Variants in WHRN observed in about 807,000 individuals in gnomAD.
The protein encoded by WHRN is whirlin, also known as CASK-interacting protein CIP98.
A neutral mutation model predicts 68.3 loss-of-function variants in WHRN; 41 were observed. The ratio of observed to expected loss-of-function variants is 0.60; its 90% CI spans 0.47 to 0.78. The LOEUF (loss-of-function observed/expected upper bound fraction) is 0.78, where lower values mean the gene tolerates loss of function less well. Among genes scored for constraint, WHRN ranks in the 30% least tolerant of loss-of-function variants. The pLI is 0.00. For synonymous variants in WHRN, 560 were observed against 561.3 expected, an observed-to-expected ratio of 1.00 and a Z score of 0.03; for missense variants, 1,243 against 1,244.7, an observed-to-expected ratio of 1.00 and a Z score of 0.02.
Position 114,417,600 on chromosome 9 carries a change from T to C in WHRN, c.1626+5714A>G, listed in dbSNP as rs185185879. 1.2e-3 allele frequency among the ~76,000 whole-genome samples: 188 copies of C among 152,040 alleles called. 1 individual carries two copies. The highest frequency in any genetic ancestry group is 2.3e-3 in the Non-Finnish European group (158 of 67,960). Reference sequence around the variant, plus strand: ...AGTGATTTAGCAGAGGTATGAGGAGTGTGTGAGCTCCATGCAGGAAGGGAT... The same window carrying C: ...AGTGATTTAGCAGAGGTATGAGGAGCGTGTGAGCTCCATGCAGGAAGGGAT... On this transcript the variant is annotated intron_variant, in intron 7 of 11. Coordinates refer to ENST00000362057, the MANE Select transcript of WHRN (RefSeq NM_015404.4).
intron 3 of WHRN, among the ~76,000 whole-genome samples, chr9:114,436,820 C>T (rs1837898189): frequency 6.6e-6 from 1 of 151,800 alleles, no homozygotes; most frequent in South Asian, 2.1e-4. Context: ...CAGAGCAAGA[C>T]TCCATCTCAA....
chr9:114,405,690 C>T (rs1834976008), intron 9 of WHRN, among the ~76,000 whole-genome samples: 1 of 152,246 alleles, frequency 6.6e-6, no homozygotes, highest in Non-Finnish European at 1.5e-5. Flanking sequence ...CATTTTGCAT[C>T]TTGGTCTGTG....
intron 3 of WHRN, among the ~76,000 whole-genome samples, chr9:114,463,876 G>C (rs544095790): frequency 6.6e-6 from 1 of 152,120 alleles, no homozygotes; most frequent in East Asian, 1.9e-4. Context: ...GCCTGGTTAT[G>C]GGCACAGTTC....
chr9:114,404,991 G>A (rs1417207045), intron 9 of WHRN, among the ~76,000 whole-genome samples: 8 of 151,802 alleles, frequency 5.3e-5, no homozygotes, highest in African/African-American at 1.9e-4. Context: ...CAGGGGCCAT[G>A]CAGAGGTTCA....
At chr9:114,417,728 C>A (rs3748174) in intron 7 of WHRN, among the ~76,000 whole-genome samples, 2 of 152,020 alleles carry the variant, frequency 1.3e-5, no homozygotes, top group African/African-American at 4.8e-5. Flanking sequence ...GACCACACAG[C>A]GGCACTTAGT....
chr9:114,403,186 G>A (rs920287911), intron 11 of WHRN, 31 bp downstream of exon 11: 2 of 1,613,740 alleles, frequency 1.2e-6, no homozygotes, highest in Non-Finnish European at 1.7e-6. Flanking sequence ...GGGGTAGGGA[G>A]AGATGGCAAG....
At chr9:114,498,715 C>T (rs892218348) in intron 1 of WHRN, among the ~76,000 whole-genome samples, 1 of 152,192 alleles carries the variant, frequency 6.6e-6, no homozygotes, top group African/African-American at 2.4e-5. Context: ...AGCGGACTGG[C>T]TGGCATTGTC....
intron 2 of WHRN, among the ~76,000 whole-genome samples, chr9:114,470,169 T>C (rs1488163814): frequency 2.0e-5 from 3 of 152,182 alleles, no homozygotes; most frequent in East Asian, 3.8e-4. Context: ...GATACACTTA[T>C]AATCCTTTTT....
chr9:114,409,998 C>T (rs182838581), intron 7 of WHRN, among the ~76,000 whole-genome samples: 8 of 152,174 alleles, frequency 5.3e-5, no homozygotes, highest in South Asian at 4.1e-4. Context: ...CCTACATGAC[C>T]GGGCCCTTTC....
At chr9:114,444,126 C>T (rs117994701) in intron 3 of WHRN, among the ~76,000 whole-genome samples, 2 of 152,256 alleles carry the variant, frequency 1.3e-5, no homozygotes, top group Non-Finnish European at 2.9e-5. Context: ...GGGACACAGC[C>T]AATCCATATT....
chr9:114,474,896 A>T (rs1434374083), intron 2 of WHRN, among the ~76,000 whole-genome samples: 1 of 152,142 alleles, frequency 6.6e-6, no homozygotes, highest in Non-Finnish European at 1.5e-5. Context: ...CACTGTCATC[A>T]TGTTGCTAAG....
intron 3 of WHRN, among the ~76,000 whole-genome samples, chr9:114,462,291 T>C (rs541735163): frequency 2.1e-3 from 324 of 152,292 alleles, no homozygotes; most frequent in African/African-American, 7.2e-3. Flanking sequence ...TCCCCCATTT[T>C]CCTTCGCCCC....
chr9:114,465,854 A>G (rs1294527219), intron 3 of WHRN, among the ~76,000 whole-genome samples: 1 of 152,200 alleles, frequency 6.6e-6, no homozygotes, highest in East Asian at 1.9e-4. Context: ...CTGGGCACAC[A>G]GTTAGCCCTC....
At chr9:114,419,002 T>C (rs528327983) in intron 7 of WHRN, among the ~76,000 whole-genome samples, 52 of 152,244 alleles carry the variant, frequency 3.4e-4, no homozygotes, top group African/African-American at 1.0e-3. Context: ...TGCTCAATAT[T>C]TGTTAACAGA....
intron 2 of WHRN, among the ~76,000 whole-genome samples, chr9:114,467,198 G>A (rs904075379): frequency 2.0e-5 from 3 of 152,086 alleles, no homozygotes; most frequent in Non-Finnish European, 4.4e-5. Context: ...CTCCCCAGGG[G>A]TCTTCTGCTC....
rs564988768 is a variant in WHRN at position 114,504,867 on chromosome 9, G to A, written c.-66C>T. ...GTGGGCGGTGCCGCTGTCCTCGCGG[G>A]TACTGGCGCGACAGCTGGATCCCCG... On this transcript the variant is annotated 5_prime_UTR_variant, in exon 1 of 12. Transcript: ENST00000362057. The A allele has an allele frequency of 7.5e-6, 10 of 1,337,240 alleles. No homozygotes were observed. In the East Asian group the frequency reaches 2.8e-4, roughly 37 times the overall value. The allele number at this position is 1,337,240 out of a possible 1,614,324, so 82.8% of individuals were successfully genotyped here. A position where few individuals can be genotyped will look rare whatever the true frequency, so the allele number is the denominator to read the frequency against.
chr9:114,405,723 C>T (rs1192223917), intron 9 of WHRN, among the ~76,000 whole-genome samples: 1 of 152,224 alleles, frequency 6.6e-6, no homozygotes, highest in Non-Finnish European at 1.5e-5. Context: ...GAATGTCCTA[C>T]GGGGCCTATG....
chr9:114,497,534 G>GA (rs1335784116), intron 1 of WHRN, among the ~76,000 whole-genome samples: 33 of 146,186 alleles, frequency 2.3e-4, no homozygotes, highest in East Asian at 4.0e-4. Context: ...AAAAGAAAAG[G>GA]AAAAAAAAAA....
Position 114,408,211 on chromosome 9 carries a change from G to A in WHRN, c.1627-193C>T, listed in dbSNP as rs150030732. ...GGTCAATTTGCCTGCTGGTCACTTT[G>A]AAGTTAAGTTTTCTTTGGGACTTTC... On this transcript the variant is annotated intron_variant, in intron 7 of 11. Coordinates refer to ENST00000362057, the MANE Select transcript of WHRN (RefSeq NM_015404.4). 3.3e-5 allele frequency among the ~76,000 whole-genome samples: 5 copies of A among 152,330 alleles called. No individual in the cohort carries two copies. In the East Asian group the frequency reaches 9.6e-4, roughly 29 times the overall value.
Sources: gnomAD v4.1 joint callset for allele counts (sites outside exome capture counted in the v4.1 genomes callset) on GRCh38, gnomAD v4.1.1 for gene constraint, MANE v1.5 for transcripts, NCBI Gene and HGNC (gene_info 2026-07-23, HGNC 2026-07-21) for gene names.